NBPF11: variants seen among roughly 807,000 people sequenced by gnomAD.
NBPF11 encodes the protein NBPF family member NBPF11.
Under a neutral mutation model 93.9 loss-of-function variants are expected in NBPF11, and 72 were observed. The observed-to-expected ratio is 0.77, with a 90% CI of 0.63 to 0.93. The LOEUF (loss-of-function observed/expected upper bound fraction) is 0.93, where lower values mean the gene tolerates loss of function less well. NBPF11 is among the 40% of genes least tolerant of loss of function. The probability of loss-of-function intolerance (pLI) is 0.00; values close to 1 mark genes in which losing one functional copy is unlikely to be tolerated. For missense variants in NBPF11, 705 were observed against 802.2 expected (o/e 0.88, Z 1.46); for synonymous variants, 224 against 304.9 (o/e 0.73, Z 2.76).
intron 4 of NBPF11, among the ~76,000 whole-genome samples, chr1:148,134,780 A>C (rs1251778863): frequency 6.6e-6 from 1 of 151,938 alleles, no homozygotes; most frequent in Non-Finnish European, 1.5e-5. Context: ...GTACACAGAG[A>C]CTGCCAGGCT....
chr1:148,106,798 G>T lies in NBPF11; in HGVS notation c.2251+144C>A. 4 of 699,172 alleles carry T rather than the reference G, an allele frequency of 5.7e-6. No homozygotes were observed. In the South Asian group the frequency reaches 5.9e-5, roughly 10 times the overall value. The allele number at this position is 699,172 out of a possible 1,614,324, so 43.3% of individuals were successfully genotyped here. On this transcript the variant is annotated intron_variant, in intron 20 of 23. Transcript: ENST00000682118. Reference sequence around the variant, plus strand: ...GTCTAGGCTTCCAGCTGAGACTACAGTTTCATTACAACCTATATGCACCCA... The same window carrying T: ...GTCTAGGCTTCCAGCTGAGACTACATTTTCATTACAACCTATATGCACCCA...
At chr1:148,118,545 G>C in intron 11 of NBPF11, 75 bp downstream of exon 11, 3 of 1,444,138 alleles carry the variant, frequency 2.1e-6, no homozygotes, top group Non-Finnish European at 2.9e-6. Flanking sequence ...TAGCTCTTAC[G>C]TCTCCCCACT....
At chr1:148,112,249 C>T (rs1665474355) in intron 15 of NBPF11, among the ~76,000 whole-genome samples, 2 of 145,872 alleles carry the variant, frequency 1.4e-5, no homozygotes, top group Non-Finnish European at 3.0e-5. Flanking sequence ...GTGTGCTTCA[C>T]CCATTAACTC....
chr1:148,116,880 T>A (rs1666688561), intron 12 of NBPF11, among the ~76,000 whole-genome samples: 1 of 152,178 alleles, frequency 6.6e-6, no homozygotes, highest in African/African-American at 2.4e-5. Flanking sequence ...CTGTCACAGT[T>A]TGCATTTCAA....
At chr1:148,146,259 G>C (rs1250996024) in intron 1 of NBPF11, 1 of 1,208,060 alleles carries the variant, frequency 8.3e-7, no homozygotes, top group Admixed American at 4.0e-5. Flanking sequence ...CGGGGCTGCT[G>C]TCTGGGGCGG....
chr1:148,115,025 T>C (rs1666138876), intron 14 of NBPF11, among the ~76,000 whole-genome samples: 1 of 144,638 alleles, frequency 6.9e-6, no homozygotes, highest in African/African-American at 2.6e-5. Context: ...ATTAGCCAGA[T>C]GTGATGTTGT....
intron 4 of NBPF11, among the ~76,000 whole-genome samples, chr1:148,134,734 G>A: frequency 6.6e-6 from 1 of 151,796 alleles, no homozygotes; most frequent in East Asian, 1.9e-4. Flanking sequence ...CATGGCATTG[G>A]GGCTGGTACA....
chr1:148,114,284 G>A (rs1294593820), intron 15 of NBPF11, among the ~76,000 whole-genome samples, 153 bp downstream of exon 15: 2 of 151,886 alleles, frequency 1.3e-5, no homozygotes, highest in Non-Finnish European at 2.9e-5. Flanking sequence ...ACCAACACAA[G>A]TGCCACAAAT....
intron 15 of NBPF11, among the ~76,000 whole-genome samples, chr1:148,111,777 T>C (rs1437447555): frequency 6.6e-6 from 1 of 151,654 alleles, no homozygotes; most frequent in East Asian, 1.9e-4. Flanking sequence ...CTACGTTTGA[T>C]TGGTGTACTG....
intron 23 of NBPF11, among the ~76,000 whole-genome samples, chr1:148,104,211 G>C (rs1348592959): frequency 8.3e-5 from 12 of 144,110 alleles, no homozygotes; most frequent in Admixed American, 2.1e-4. Context: ...AGGACACTCT[G>C]ACTTAGTGCC....
intron 5 of NBPF11, among the ~76,000 whole-genome samples, chr1:148,125,714 G>A (rs1456378563): frequency 7.9e-5 from 12 of 152,090 alleles, no homozygotes; most frequent in East Asian, 5.8e-4. Context: ...CAAGGAGATC[G>A]ACAGGAAATA....
rs1392066943 is a variant in NBPF11 at position 148,146,333 on chromosome 1, C to T, written c.-548-2647G>A. The T allele has an allele frequency of 1.8e-3, 2,491 of 1,405,134 alleles. 88 individuals are homozygous for T. In the Admixed American group the frequency reaches 0.064, roughly 36 times the overall value. The allele number at this position is 1,405,134 out of a possible 1,614,324, so 87.0% of individuals were successfully genotyped here. On this transcript the variant is annotated intron_variant, in intron 1 of 23. Coordinates refer to ENST00000682118, the MANE Select transcript of NBPF11 (RefSeq NM_001385469.3). ...AGCACCCCACCCCTCCCCTGCCGGG[C>T]CAGGCCGGGCGGCGTTGTTGGCGGG...
At chr1:148,141,897 T>C (rs1276607841) in intron 2 of NBPF11, among the ~76,000 whole-genome samples, 1 of 151,172 alleles carries the variant, frequency 6.6e-6, no homozygotes, top group Non-Finnish European at 1.5e-5. Context: ...TAGATTTCAG[T>C]GCAGTGTGGT....
intron 5 of NBPF11, 24 bp from the exon 6 acceptor site, chr1:148,125,025 C>T: frequency 1.3e-6 from 2 of 1,525,574 alleles, no homozygotes; most frequent in Non-Finnish European, 1.8e-6. Flanking sequence ...GACACGCCTG[C>T]CTCAGTGGAA....
At chr1:148,111,154 G>A (rs1464834906) in intron 15 of NBPF11, among the ~76,000 whole-genome samples, 19 of 151,654 alleles carry the variant, frequency 1.3e-4, no homozygotes, top group Non-Finnish European at 2.4e-4. Flanking sequence ...ACCTGAAGCT[G>A]AGGGACCTGA....
intron 2 of NBPF11, among the ~76,000 whole-genome samples, chr1:148,138,863 G>A (rs1489250699): frequency 6.6e-6 from 1 of 151,842 alleles, no homozygotes; most frequent in Non-Finnish European, 1.5e-5. Flanking sequence ...GGCCAAGGCA[G>A]GTGGATCACT....
chr1:148,147,561 G>A (rs1365733881), intron 1 of NBPF11, among the ~76,000 whole-genome samples: 2 of 152,006 alleles, frequency 1.3e-5, no homozygotes, highest in African/African-American at 2.4e-5. Context: ...ACCCGGCTGG[G>A]CCTCTGGTGG....
intron 17 of NBPF11, among the ~76,000 whole-genome samples, 161 bp from the exon 18 acceptor site, chr1:148,108,815 G>A (rs1442619607): frequency 4.9e-4 from 72 of 147,432 alleles, no homozygotes; most frequent in African/African-American, 1.7e-3. Flanking sequence ...ATAGACTAGG[G>A]CCAGGTAGAA....
chr1:148,121,590 C>T (rs1294738533), intron 9 of NBPF11, among the ~76,000 whole-genome samples: 7 of 151,536 alleles, frequency 4.6e-5, no homozygotes, highest in South Asian at 4.2e-4. Flanking sequence ...CTCCTGACCT[C>T]GTGATCCACC....
Sources: allele counts gnomAD v4.1 joint callset (sites outside exome capture counted in the v4.1 genomes callset), GRCh38; gene constraint gnomAD v4.1.1; transcripts MANE v1.5; gene names NCBI Gene and HGNC (gene_info 2026-07-23, HGNC 2026-07-21).